The following UVSSA variants were observed in gnomAD, a reference collection of about 807,000 sequenced individuals.
UVSSA encodes the protein UV stimulated scaffold protein A, also known as UV-stimulated scaffold protein A.
A neutral mutation model predicts 73.9 loss-of-function variants in UVSSA; 72 were observed. That is an observed-to-expected ratio of 0.97 (90% CI 0.81 to 1.19). The LOEUF (loss-of-function observed/expected upper bound fraction) is 1.19, where lower values mean the gene tolerates loss of function less well. Ranked by LOEUF, UVSSA falls within the 50% of genes most tolerant of loss-of-function variation. The pLI, the probability that UVSSA is intolerant of heterozygous loss-of-function variation, is 0.00. For synonymous variants in UVSSA, 454 were observed against 391.3 expected, an observed-to-expected ratio of 1.16 and a Z score of -1.89; for missense variants, 1,150 against 965.0, an observed-to-expected ratio of 1.19 and a Z score of -2.54.
chr4:1,395,747 G>C, exon 14 of UVSSA: 1 of 1,614,156 alleles, frequency 6.2e-7, no homozygotes, highest in Non-Finnish European at 8.5e-7. Context: ...CTGTCCTGCC[G>C]GCCGAGTCAG....
At chr4:1,346,306 C>A (rs1012806070), upstream of UVSSA, among the ~76,000 whole-genome samples, 11 of 152,086 alleles carry the variant, frequency 7.2e-5, no homozygotes, top group Non-Finnish European at 1.2e-4. Context: ...CGGCCCCCGC[C>A]CTGCACCCAG....
intron 12 of UVSSA, among the ~76,000 whole-genome samples, chr4:1,383,524 G>A (rs2109311388): frequency 6.6e-6 from 1 of 152,310 alleles, no homozygotes; most frequent in Admixed American, 6.5e-5. Flanking sequence ...TGGGGCGGTG[G>A]GGGCAAGCTC....
rs933475240 is a variant in UVSSA, at chr4:1,387,038, G to C, written c.*1077G>C. ...CTGGCCAGGAGTTTATATGTATACT[G>C]TGGATACTAGATCCTCATGTGATTT... On this transcript the variant is annotated 3_prime_UTR_variant, in exon 14 of 14. Transcript: ENST00000389851. 1 of 151,142 alleles carries C rather than the reference G, an allele frequency of 6.6e-6. No individual in the cohort carries two copies. The highest frequency in any genetic ancestry group is 1.5e-5 in the Non-Finnish European group (1 of 67,888). 9.4% of individuals were successfully genotyped at this position (151,142 alleles called of 1,614,324 possible).
At chr4:1,388,572 T>C (rs867070794), downstream of UVSSA, 1 of 152,264 alleles carries the variant, frequency 6.6e-6, no homozygotes, top group Non-Finnish European at 1.5e-5. Context: ...TCTCTCACCA[T>C]TGAATGTGAT....
At chr4:1,395,645 C>T in exon 14 of UVSSA, 2 of 1,600,054 alleles carry the variant, frequency 1.2e-6, no homozygotes, top group Non-Finnish European at 1.7e-6. Context: ...CTCACACGTG[C>T]CCATGTGGAG....
exon 14 of UVSSA, chr4:1,394,169 C>CA: frequency 2.3e-6 from 1 of 441,326 alleles, no homozygotes; most frequent in Non-Finnish European, 4.1e-6. Context: ...CGGGCACACA[C>CA]ACAGCTCTGT....
upstream of UVSSA, among the ~76,000 whole-genome samples, chr4:1,346,054 C>T (rs1328246388): frequency 6.6e-6 from 1 of 152,164 alleles, no homozygotes; most frequent in Admixed American, 6.5e-5. Context: ...CGGCTCGGGG[C>T]TGGCTGCAAG....
Position 1,375,440 on chromosome 4 carries a change from G to A in UVSSA, c.1365G>A (p.Ser455=), listed in dbSNP as rs769836480. 68 of 1,613,208 alleles carry A rather than the reference G, an allele frequency of 4.2e-5. No individual in the cohort carries two copies. The South Asian group carries it at 4.5e-4, about 11-fold the overall frequency. ...RTRTRMDEEV[S]DPTSAAAQLR... ...GGACGAGGATGGACGAGGAGGTGTC[G>A]GACCCCACCTCTGCGGCTGCTCAGC... is the stretch of plus-strand genomic sequence containing the variant. Residue 455 remains serine (S), a synonymous_variant, in exon 9 of 14, where the codon TCG becomes TCA. Transcript: ENST00000389851.
chr4:1,376,205 C>A (rs745412295), intron 10 of UVSSA, 37 bp downstream of exon 10: 2 of 1,580,254 alleles, frequency 1.3e-6, no homozygotes, highest in Non-Finnish European at 1.7e-6. Flanking sequence ...CCAGGGCACA[C>A]AACCAGGGTC....
At position 1,354,799 on chromosome 4, in the gene UVSSA, C is replaced by T. The variant is rs529580289; in HGVS notation, c.999C>T (p.Leu333=). 3.1e-6 allele frequency: 5 copies of T among 1,613,610 alleles called. No homozygotes were observed. The African/African-American group carries it at 6.7e-5, about 22-fold the overall frequency. Residue 333 remains leucine, a synonymous_variant, in exon 6 of 14, where the codon CTC becomes CTT. Transcript: ENST00000389851. ...TCATCCACGCCGCCCGCGACACACT[C>T]AAGCTCATCCGGAACAAGTTCCTGC... ...LALIHAARDT[L]KLIRNKFLPA... is the part of the protein sequence containing the mutation.
chr4:1,377,632 T>A (rs1329338827), intron 10 of UVSSA, among the ~76,000 whole-genome samples: 1 of 151,368 alleles, frequency 6.6e-6, no homozygotes, highest in East Asian at 2.0e-4. Flanking sequence ...GCCTGGCCCG[T>A]CCCCAGGACC....
chr4:1,364,394 G>A (rs1717040121), intron 7 of UVSSA, among the ~76,000 whole-genome samples: 1 of 151,720 alleles, frequency 6.6e-6, no homozygotes, highest in East Asian at 1.9e-4. Context: ...CGTGGGGGCT[G>A]GGCTTGGAGC....
intron 7 of UVSSA, chr4:1,357,038 G>A (rs1715880025): frequency 6.6e-6 from 1 of 152,460 alleles, no homozygotes; most frequent in Non-Finnish European, 1.5e-5. Context: ...GGCATGGTCT[G>A]GTCTCATCAG....
In UVSSA at chr4:1,356,263, C is replaced by T. The variant is rs1018496138; in HGVS notation, c.1176+1018C>T. ...AGAGGTTGGGTTCCACAGCAGCAGACGTGCGGGGCCTTGGAAGTTGGGGGG... is the reference window on the plus strand; with the variant it reads ...AGAGGTTGGGTTCCACAGCAGCAGATGTGCGGGGCCTTGGAAGTTGGGGGG... On this transcript the variant is annotated intron_variant, in intron 7 of 13. Transcript: ENST00000389851. Among the ~76,000 whole-genome samples the T allele has an allele frequency of 3.3e-5, 5 of 152,076 alleles. 1 individual carries two copies. Among genetic ancestry groups the T allele is most frequent in the Admixed American group, 6.5e-5 (1 of 15,290 alleles).
At chr4:1,370,424 G>A (rs1207770229) in intron 8 of UVSSA, among the ~76,000 whole-genome samples, 3 of 152,236 alleles carry the variant, frequency 2.0e-5, no homozygotes, top group Admixed American at 1.3e-4. Flanking sequence ...TGCGCGCCTC[G>A]GGGCTGGAGG....
intron 7 of UVSSA, among the ~76,000 whole-genome samples, chr4:1,363,378 G>A (rs1716906914): frequency 6.6e-6 from 1 of 152,150 alleles, no homozygotes. Flanking sequence ...ATTCCTAATA[G>A]TTACCTGAGC....
chr4:1,371,470 G>A (rs1164039240), intron 8 of UVSSA, among the ~76,000 whole-genome samples: 6 of 152,148 alleles, frequency 3.9e-5, no homozygotes, highest in African/African-American at 7.2e-5. Context: ...GTGTGTGTTG[G>A]AGAAGGGACT....
At chr4:1,388,802 T>G (rs1395018221), downstream of UVSSA, 2 of 152,248 alleles carry the variant, frequency 1.3e-5, no homozygotes, top group Non-Finnish European at 2.9e-5. Flanking sequence ...TGGGGCAAAT[T>G]CTACTTGTTC....
In UVSSA at chr4:1,349,711, G is replaced by T. The variant is rs772921989; in HGVS notation, c.286G>T (p.Ala96Ser). 6.2e-7 allele frequency: 1 copy of T among 1,613,830 alleles called. No homozygotes were observed. The highest frequency in any genetic ancestry group is 1.1e-5 in the South Asian group (1 of 91,072). ...GGAGCTCACGCTGGGCACAGACCCC[G>T]CACAGCCTCTGCCGCCCCCCAGGGA... ...FLELTLGTDP[A>S]QPLPPPREAA... is the part of the protein sequence containing the mutation. The change falls in exon 3 of 14, where the codon GCA becomes TCA. Residue 96 changes from alanine to serine, a missense_variant. Coordinates refer to ENST00000389851, the MANE Select transcript of UVSSA (RefSeq NM_020894.4).
Sources: gnomAD v4.1 joint callset for allele counts (sites outside exome capture counted in the v4.1 genomes callset) on GRCh38, gnomAD v4.1.1 for gene constraint, MANE v1.5 for transcripts, NCBI Gene and HGNC (gene_info 2026-07-23, HGNC 2026-07-21) for gene names.